The following FRMPD3 variants were observed in gnomAD, a reference collection of about 807,000 sequenced individuals.
FRMPD3 encodes FERM and PDZ domain containing 3.
In FRMPD3, 42 loss-of-function variants were observed where a neutral mutation model predicts 97.9. The observed-to-expected ratio is 0.43, with a 90% CI of 0.34 to 0.55. FRMPD3 has a LOEUF of 0.55. FRMPD3 is among the 20% of genes least tolerant of loss of function. The pLI is 0.03. For missense variants in FRMPD3, 1,303 were observed against 1,457.7 expected (o/e 0.89, Z 1.73); for synonymous variants, 577 against 581.1 (o/e 0.99, Z 0.10).
At chrX:107,479,037 C>A (rs1022568688) in intron 1 of FRMPD3, among the ~76,000 whole-genome samples, 3 of 112,817 alleles carry the variant, frequency 2.7e-5, no homozygotes, top group African/African-American at 6.4e-5. Context: ...TGAAGCCCCC[C>A]ACTTGGCTGT....
intron 1 of FRMPD3, among the ~76,000 whole-genome samples, chrX:107,498,072 C>T (rs374638299): frequency 1.6e-4 from 18 of 112,508 alleles, no homozygotes; most frequent in African/African-American, 4.2e-4. Flanking sequence ...CTTCTCGGCT[C>T]AGTGCCAGCC....
intron 4 of FRMPD3, among the ~76,000 whole-genome samples, chrX:107,535,984 CCACACTCACTTCACCG>C (rs1308097944): frequency 9.0e-6 from 1 of 111,386 alleles, no homozygotes; most frequent in Non-Finnish European, 1.9e-5. Context: ...CCTTTTATAA[CCACACTCACTTCACCG>C]CCTACACCCA....
chrX:107,480,868 A>G (rs371027280), intron 1 of FRMPD3, among the ~76,000 whole-genome samples: 42 of 66,661 alleles, frequency 6.3e-4, no homozygotes, highest in Non-Finnish European at 7.6e-4. Flanking sequence ...GGAAAGAAAG[A>G]AAGGAAGGAA....
In FRMPD3 at chrX:107,602,715, G is replaced by A. The variant is rs757157519; in HGVS notation, c.4676G>A (p.Arg1559His). The change falls in exon 15 of 15, where the codon CGC (arginine) becomes CAC (histidine). Residue 1559 changes from arginine (R) to histidine (H), a missense_variant. Transcript: ENST00000683843. ...TCSSSSPEAS[R>H]TQEIDLRVST... ...AGCAGCAGCAGCCCTGAGGCCTCCC[G>A]CACTCAGGAGATTGACCTCCGTGTG... is the stretch of plus-strand genomic sequence containing the variant. 21 of 1,207,501 alleles carry A rather than the reference G, an allele frequency of 1.7e-5. No homozygotes were observed. The highest frequency in any genetic ancestry group is 2.3e-4 in the Middle Eastern group (1 of 4,364).
intron 8 of FRMPD3, among the ~76,000 whole-genome samples, chrX:107,557,826 TATATATATATATATAG>T (rs1922162474): frequency 2.4e-5 from 2 of 84,095 alleles, no homozygotes; most frequent in East Asian, 8.3e-4. Flanking sequence ...TATATATATA[TATATATATATATATAG>T]ATCTATTCCT....
chrX:107,580,557 C>T (rs927881136), intron 13 of FRMPD3, among the ~76,000 whole-genome samples: 3 of 111,343 alleles, frequency 2.7e-5, no homozygotes, highest in African/African-American at 9.8e-5. Flanking sequence ...TTGGGCATGC[C>T]ACTGGGAGCC....
chrX:107,459,884 TACACACACACACACAC>T (rs67324661), intron 1 of FRMPD3, among the ~76,000 whole-genome samples: 185 of 89,874 alleles, frequency 2.1e-3, no homozygotes, highest in South Asian at 0.019. Flanking sequence ...CAAGCATACA[TACACACACACACACAC>T]ACACACACAC....
intron 5 of FRMPD3, among the ~76,000 whole-genome samples, chrX:107,548,252 T>A (rs996086088): frequency 7.1e-5 from 8 of 112,668 alleles, no homozygotes; most frequent in African/African-American, 2.6e-4. Context: ...TTTTATAATG[T>A]GTATGTGTGC....
At position 107,516,090 on chromosome X, in the gene FRMPD3, T is replaced by A. The variant is rs377027972; in HGVS notation, c.-7-10492T>A. Among the ~76,000 whole-genome samples the A allele has an allele frequency of 4.1e-5, 4 of 97,391 alleles. No homozygotes were observed. In the East Asian group the frequency reaches 1.4e-3, roughly 34 times the overall value. The allele number at this position is 97,391 out of a possible 115,157, so 84.6% of individuals were successfully genotyped here. ...CCTTCCTGTGTCCATGTGTTCTCAT[T>A]GTTCAATTCCCACCTATGAGTGAGA... On this transcript the variant is annotated intron_variant, in intron 1 of 14. Coordinates refer to ENST00000683843, the MANE Select transcript of FRMPD3 (RefSeq NM_001388459.1).
intron 8 of FRMPD3, among the ~76,000 whole-genome samples, chrX:107,557,795 G>GTATA (rs1467541771): frequency 7.5e-5 from 2 of 26,606 alleles, no homozygotes; most frequent in South Asian, 2.9e-3. Flanking sequence ...AAAATCTGTT[G>GTATA]TCTATATATA....
At chrX:107,476,088 T>C (rs1921194880) in intron 1 of FRMPD3, among the ~76,000 whole-genome samples, 1 of 111,981 alleles carries the variant, frequency 8.9e-6, no homozygotes. Context: ...TTTCACCATG[T>C]TGGCCAGGAT....
Position 107,603,086 on chromosome X carries a change from G to C in FRMPD3, c.5047G>C (p.Glu1683Gln). The C allele has an allele frequency of 8.3e-7, 1 of 1,210,632 alleles. No individual in the cohort carries two copies. The highest frequency in any genetic ancestry group is 1.1e-6 in the Non-Finnish European group (1 of 895,391). The change falls in exon 15 of 15, where the codon GAG (glutamate) becomes CAG (glutamine). Residue 1683 changes from glutamate (E) to glutamine (Q), a missense_variant. By Grantham distance (29) the Glu-to-Gln change is conservative. Around this residue, in one of 3 missense-constraint regions of FRMPD3, gnomAD observed 764 missense variants for 820.2 expected, o/e 0.93. Coordinates refer to ENST00000683843, the MANE Select transcript of FRMPD3 (RefSeq NM_001388459.1). ...FVRLVFIVRSEAQRQELLAKV... is the reference protein window; with the variant it reads ...FVRLVFIVRSQAQRQELLAKV... ...GCGGCTGGTGTTCATTGTGCGCTCC[G>C]AGGCCCAGCGCCAAGAGCTGCTGGC...
chrX:107,482,665 A>G (rs752969836), intron 1 of FRMPD3, among the ~76,000 whole-genome samples: 3 of 111,836 alleles, frequency 2.7e-5, no homozygotes, highest in Non-Finnish European at 3.8e-5. Flanking sequence ...AGGGAAATGG[A>G]GGATCACTAT....
intron 1 of FRMPD3, among the ~76,000 whole-genome samples, chrX:107,503,690 G>A (rs1453783428): frequency 8.9e-6 from 1 of 112,041 alleles, no homozygotes; most frequent in Admixed American, 9.4e-5. Context: ...AAGCTTTCTG[G>A]TCTTTCATGG....
intron 1 of FRMPD3, among the ~76,000 whole-genome samples, chrX:107,461,912 T>A (rs779314248): frequency 9.2e-6 from 1 of 108,426 alleles, no homozygotes; most frequent in East Asian, 2.9e-4. Context: ...CTGTCCACTG[T>A]ACCCCACTTG....
chrX:107,602,337 C>G lies in FRMPD3; in HGVS notation c.4298C>G (p.Pro1433Arg), dbSNP rs1424913158. Residue 1433 changes from proline (P) to arginine (R), a missense_variant, in exon 15 of 15, where the codon CCC becomes CGC. Physicochemically the swap from Pro to Arg is moderately radical, Grantham distance 103. This residue lies in a region of FRMPD3 where 764 missense variants were observed against 820.2 expected (regional missense o/e 0.93). Transcript: ENST00000683843. ...GCCAAGGAGGTAGAGGCAAGCCTCC[C>G]CATAGCCTTGGGTCCCAAAAGCAGG... is the stretch of plus-strand genomic sequence containing the variant. ...REAKEVEASL[P>R]IALGPKSRSL... The G allele has an allele frequency of 1.7e-6, 2 of 1,210,533 alleles. No individual in the cohort carries two copies. Among genetic ancestry groups the G allele is most frequent in the Non-Finnish European group, 1.1e-6 (1 of 895,168 alleles).
In FRMPD3 at chrX:107,514,759, C is replaced by T. The variant is rs191638066; in HGVS notation, c.-7-11823C>T. On this transcript the variant is annotated intron_variant, in intron 1 of 14. Coordinates refer to ENST00000683843, the MANE Select transcript of FRMPD3 (RefSeq NM_001388459.1). ...CAGTCTGGTCTCGAACTTCTGACCT[C>T]AGGTGATCTGCCCACCTCAGCCTCC... Among the ~76,000 whole-genome samples, 79 of 111,004 alleles carry T rather than the reference C, an allele frequency of 7.1e-4. 1 individual carries two copies. The highest frequency in any genetic ancestry group is 2.4e-3 in the African/African-American group (74 of 30,504).
intron 1 of FRMPD3, among the ~76,000 whole-genome samples, chrX:107,490,198 T>G (rs1408027680): frequency 8.9e-6 from 1 of 112,165 alleles, no homozygotes; most frequent in Non-Finnish European, 1.9e-5. Flanking sequence ...TTGATCTATA[T>G]CTCTGTTTTG....
intron 1 of FRMPD3, among the ~76,000 whole-genome samples, chrX:107,467,023 T>TGTGTGTGTGTGA (rs1170634963): frequency 3.1e-5 from 3 of 98,318 alleles, no homozygotes; most frequent in African/African-American, 1.2e-4. Flanking sequence ...TGTGTGTGTG[T>TGTGTGTGTGTGA]GAGAGAGAGA....
Sources: gnomAD v4.1 joint callset for allele counts (sites outside exome capture counted in the v4.1 genomes callset) on GRCh38, gnomAD v4.1.1 for gene constraint, gnomAD v4.1.1 regional missense constraint, MANE v1.5 for transcripts, NCBI Gene and HGNC (gene_info 2026-07-23, HGNC 2026-07-21) for gene names.